Variants in CHRM3 observed in about 807,000 individuals in gnomAD.
CHRM3 encodes the protein muscarinic acetylcholine receptor M3.
A neutral mutation model predicts 41.8 loss-of-function variants in CHRM3; 11 were observed. The ratio of observed to expected loss-of-function variants is 0.26; its 90% CI spans 0.17 to 0.44. The LOEUF (loss-of-function observed/expected upper bound fraction) is 0.44. Ranked by LOEUF, CHRM3 falls within the 20% of genes least tolerant of loss-of-function variation. CHRM3 has a pLI of 1.00. For missense variants in CHRM3, 571 were observed against 745.4 expected (o/e 0.77, Z 2.72); for synonymous variants, 297 against 301.4 (o/e 0.99, Z 0.15).
At chr1:239,700,831 GT>G (rs1217923255) in intron 5 of CHRM3, among the ~76,000 whole-genome samples, 1 of 152,090 alleles carries the variant, frequency 6.6e-6, no homozygotes, top group Non-Finnish European at 1.5e-5. Context: ...AAGTGTTCCA[GT>G]TTGTAATTTG....
chr1:239,805,963 G>T (rs552010784), intron 5 of CHRM3, among the ~76,000 whole-genome samples: 12 of 151,994 alleles, frequency 7.9e-5, no homozygotes, highest in Admixed American at 2.0e-4. Context: ...CGTTAAAAAC[G>T]AAACAAAACA....
chr1:239,887,261 G>A (rs1354624510), intron 6 of CHRM3, among the ~76,000 whole-genome samples: 1 of 151,984 alleles, frequency 6.6e-6, no homozygotes, highest in Non-Finnish European at 1.5e-5. Context: ...GAGTGCAGTG[G>A]GGCAAGCTCA....
chr1:239,532,769 C>A (rs903578975), intron 2 of CHRM3, among the ~76,000 whole-genome samples: 1 of 151,890 alleles, frequency 6.6e-6, no homozygotes, highest in African/African-American at 2.4e-5. Context: ...AAGAAGAATA[C>A]CCTCTGGTGA....
chr1:239,843,447 C>CTTTTTTTTTTTTTTT (rs34901177), intron 6 of CHRM3, among the ~76,000 whole-genome samples: 1 of 81,226 alleles, frequency 1.2e-5, no homozygotes, highest in Non-Finnish European at 2.3e-5. Flanking sequence ...ACTCGCTTTC[C>CTTTTTTTTTTTTTTT]TTTTTTTTTT....
At chr1:239,402,975 T>C (rs1023509496) in intron 1 of CHRM3, among the ~76,000 whole-genome samples, 13 of 152,336 alleles carry the variant, frequency 8.5e-5, no homozygotes, top group African/African-American at 3.1e-4. Flanking sequence ...ATATTTTTGA[T>C]GCGAGATTAG....
chr1:239,740,766 A>G (rs1664779679), intron 5 of CHRM3, among the ~76,000 whole-genome samples: 1 of 152,188 alleles, frequency 6.6e-6, no homozygotes, highest in South Asian at 2.1e-4. Flanking sequence ...CCATAATGAG[A>G]TACCATTTCA....
intron 1 of CHRM3, among the ~76,000 whole-genome samples, chr1:239,457,006 C>T (rs1289046013): frequency 6.6e-6 from 1 of 152,186 alleles, no homozygotes; most frequent in Admixed American, 6.5e-5. Flanking sequence ...TCTTAAGCCT[C>T]AGGCATTCCA....
At chr1:239,747,965 AG>A (rs1350212811) in intron 5 of CHRM3, among the ~76,000 whole-genome samples, 7 of 152,170 alleles carry the variant, frequency 4.6e-5, no homozygotes, top group Admixed American at 4.6e-4. Context: ...TGAACCCCAG[AG>A]GCAGAAGTTG....
At chr1:239,844,120 C>T (rs531000449) in intron 6 of CHRM3, among the ~76,000 whole-genome samples, 68 of 152,254 alleles carry the variant, frequency 4.5e-4, no homozygotes, top group African/African-American at 1.6e-3. Context: ...TTCAAGCACA[C>T]ACTAAATTGT....
chr1:239,864,889 C>A (rs1196905391), intron 6 of CHRM3, among the ~76,000 whole-genome samples: 1 of 152,076 alleles, frequency 6.6e-6, no homozygotes, highest in African/African-American at 2.4e-5. Context: ...GAGAGAAGAA[C>A]CTGATGCTGT....
intron 6 of CHRM3, among the ~76,000 whole-genome samples, chr1:239,829,587 G>T (rs1672739875): frequency 6.6e-6 from 1 of 152,002 alleles, no homozygotes; most frequent in South Asian, 2.1e-4. Context: ...TCAATCTTTT[G>T]TGTTTCATCT....
intron 4 of CHRM3, among the ~76,000 whole-genome samples, chr1:239,672,626 A>ACACC (rs1674494313): frequency 6.6e-6 from 1 of 151,482 alleles, no homozygotes; most frequent in East Asian, 1.9e-4. Context: ...ACACACACAC[A>ACACC]CACAGAAAGG....
chr1:239,453,668 A>G (rs1664723734), intron 1 of CHRM3, among the ~76,000 whole-genome samples: 1 of 152,200 alleles, frequency 6.6e-6, no homozygotes, highest in Admixed American at 6.5e-5. Context: ...CTAGGCATTA[A>G]TTTTGTATTC....
chr1:239,404,205 C>T (rs1247274679), intron 1 of CHRM3, among the ~76,000 whole-genome samples: 2 of 150,022 alleles, frequency 1.3e-5, no homozygotes, highest in East Asian at 2.0e-4. Flanking sequence ...AGGAGAATGG[C>T]GTGAACCCAG....
rs540293326 is a variant in CHRM3, at chr1:239,491,765, G to GT, written c.-520-938dup. 2.3e-4 allele frequency among the ~76,000 whole-genome samples: 35 copies of GT among 152,272 alleles called. No individual in the cohort carries two copies. The South Asian group carries it at 3.3e-3, about 14-fold the overall frequency. On this transcript the variant is annotated intron_variant, in intron 1 of 6. Coordinates refer to ENST00000676153, the MANE Select transcript of CHRM3 (RefSeq NM_001375978.1). ...AGTTTTTTTGAGAAAACTCCATGCTGTTTTTTGCAGTGGCTGTAATAATTT... is the reference window on the plus strand; with the variant it reads ...AGTTTTTTTGAGAAAACTCCATGCTGTTTTTTTGCAGTGGCTGTAATAATTT...
chr1:239,723,455 A>T (rs1275984493), intron 5 of CHRM3, among the ~76,000 whole-genome samples: 1 of 151,952 alleles, frequency 6.6e-6, no homozygotes, highest in Admixed American at 6.6e-5. Flanking sequence ...GGACTGTTTC[A>T]ACTTTGTCTT....
intron 3 of CHRM3, among the ~76,000 whole-genome samples, chr1:239,548,240 G>A (rs1659478575): frequency 6.6e-6 from 1 of 152,134 alleles, no homozygotes; most frequent in South Asian, 2.1e-4. Context: ...ATAACTTGGG[G>A]CAATATTTAG....
intron 1 of CHRM3, among the ~76,000 whole-genome samples, chr1:239,473,869 C>CA (rs34470819): frequency 0.23 from 32,149 of 142,824 alleles, 3,900 homozygotes; most frequent in Middle Eastern, 0.39. Context: ...TAGTAAATTT[C>CA]AAAAAAAAAA....
intron 6 of CHRM3, among the ~76,000 whole-genome samples, chr1:239,902,968 G>A (rs12036923): frequency 0.59 from 89,876 of 152,036 alleles, 27,130 homozygotes; most frequent in African/African-American, 0.69. Context: ...TTTCAGAAAC[G>A]TATTAGATAT....
Sources: gnomAD v4.1 joint callset for allele counts (sites outside exome capture counted in the v4.1 genomes callset) on GRCh38, gnomAD v4.1.1 for gene constraint, MANE v1.5 for transcripts, NCBI Gene and HGNC (gene_info 2026-07-23, HGNC 2026-07-21) for gene names.